Variants in EXOC2 observed in about 807,000 individuals in gnomAD.
EXOC2 encodes the protein exocyst complex component 2.
Under a neutral mutation model 131.8 loss-of-function variants are expected in EXOC2, and 70 were observed. The ratio of observed to expected loss-of-function variants is 0.53; its 90% CI spans 0.44 to 0.65. EXOC2 has a LOEUF of 0.65. Among genes scored for constraint, EXOC2 ranks in the 30% least tolerant of loss-of-function variants. The pLI is 0.00. For missense variants in EXOC2, 923 were observed against 1,108.6 expected, an observed-to-expected ratio of 0.83 and a Z score of 2.38; for synonymous variants, 411 against 398.4, an observed-to-expected ratio of 1.03 and a Z score of -0.38.
At chr6:597,643 C>G (rs1236452091) in intron 10 of EXOC2, among the ~76,000 whole-genome samples, 1 of 152,122 alleles carries the variant, frequency 6.6e-6, no homozygotes, top group Non-Finnish European at 1.5e-5. Flanking sequence ...AATGCATTTC[C>G]CACCCAGTGT....
intron 1 of EXOC2, among the ~76,000 whole-genome samples, chr6:655,700 T>A (rs1763041127): frequency 6.6e-6 from 1 of 152,234 alleles, no homozygotes; most frequent in Non-Finnish European, 1.5e-5. Flanking sequence ...TTTAGCTCTC[T>A]ACATAAGAAA....
At chr6:676,883 G>C (rs1345480830) in intron 1 of EXOC2, among the ~76,000 whole-genome samples, 17 of 116,790 alleles carry the variant, frequency 1.5e-4, no homozygotes, top group African/African-American at 3.5e-4. Flanking sequence ...GAAAGGACAG[G>C]TTCCTCTGGA....
rs1285458613 is a variant in EXOC2 at position 619,523 on chromosome 6, T to A, written c.443A>T (p.Asp148Val). 6.2e-7 allele frequency: 1 copy of A among 1,613,738 alleles called. No individual in the cohort carries two copies. The highest frequency in any genetic ancestry group is 2.2e-5 in the East Asian group (1 of 44,884). Residue 148 changes from aspartate to valine, a missense_variant, in exon 5 of 28, where the codon GAC (aspartate) becomes GTC (valine). By Grantham distance (152) the Asp-to-Val change is radical. Coordinates refer to ENST00000230449, the MANE Select transcript of EXOC2 (RefSeq NM_018303.6). ...CATTCCATGGAATAGCATTTCTAAG[T>A]CCTTCTGCGAAAATTTACTTCTGAG... is the stretch of plus-strand genomic sequence containing the variant. ...EIEKSKFSQK[D>V]LEMLFHGMSA...
chr6:682,199 CTTTT>C (rs10654916), intron 1 of EXOC2, among the ~76,000 whole-genome samples: 1 of 129,626 alleles, frequency 7.7e-6, no homozygotes. Context: ...TTCCCAGTTT[CTTTT>C]TTTTTTTTTT....
intron 11 of EXOC2, among the ~76,000 whole-genome samples, chr6:578,149 C>T (rs1424363916): frequency 2.0e-5 from 3 of 152,104 alleles, no homozygotes; most frequent in Admixed American, 6.5e-5. Flanking sequence ...GTGACTGACA[C>T]TAAAAAATAT....
intron 26 of EXOC2, among the ~76,000 whole-genome samples, chr6:489,781 G>A (rs929846916): frequency 5.9e-5 from 9 of 152,292 alleles, no homozygotes; most frequent in African/African-American, 2.2e-4. Context: ...ACTTTAGGGG[G>A]TCGTTGCTTT....
intron 1 of EXOC2, among the ~76,000 whole-genome samples, chr6:671,455 G>A (rs1763867010): frequency 6.6e-6 from 1 of 152,150 alleles, no homozygotes; most frequent in East Asian, 1.9e-4. Flanking sequence ...GTAGGTGCTG[G>A]GCATGGTGCC....
intron 23 of EXOC2, among the ~76,000 whole-genome samples, chr6:527,388 A>G (rs996253604): frequency 9.9e-5 from 15 of 152,260 alleles, no homozygotes; most frequent in African/African-American, 3.4e-4. Flanking sequence ...ACATTCCAAA[A>G]GGCAGAGATC....
chr6:617,669 A>C, intron 6 of EXOC2, 42 bp downstream of exon 6: 2 of 1,593,768 alleles, frequency 1.3e-6, no homozygotes, highest in Non-Finnish European at 1.7e-6. Flanking sequence ...CCGGGTTTCC[A>C]TGGCGGAAGC....
intron 13 of EXOC2, among the ~76,000 whole-genome samples, chr6:571,027 C>A (rs1758248636): frequency 6.6e-6 from 1 of 152,132 alleles, no homozygotes; most frequent in South Asian, 2.1e-4. Flanking sequence ...GATGGTGACA[C>A]ACAGAAGCAG....
At chr6:683,150 C>T (rs1021879284) in intron 1 of EXOC2, among the ~76,000 whole-genome samples, 4 of 152,134 alleles carry the variant, frequency 2.6e-5, no homozygotes, top group South Asian at 2.1e-4. Flanking sequence ...ACTGACCTTG[C>T]GGGAAGATGT....
chr6:636,887 T>C (rs971044054), intron 2 of EXOC2, among the ~76,000 whole-genome samples: 3 of 152,180 alleles, frequency 2.0e-5, no homozygotes, highest in Admixed American at 1.3e-4. Flanking sequence ...TTTTTAAAAA[T>C]AATGTTTAGG....
rs188151071 is a variant in EXOC2, at chr6:563,432, A to T, written c.1790-587T>A. On this transcript the variant is annotated intron_variant, in intron 16 of 27. Coordinates refer to ENST00000230449, the MANE Select transcript of EXOC2 (RefSeq NM_018303.6). Reference sequence around the variant, plus strand: ...CGCCCACCAATTTTGCAGAGATGTAAGCTTCCTACCTAAAAAGCCAAGCCT... The same window carrying T: ...CGCCCACCAATTTTGCAGAGATGTATGCTTCCTACCTAAAAAGCCAAGCCT... Among the ~76,000 whole-genome samples, 280 of 152,314 alleles carry T rather than the reference A, an allele frequency of 1.8e-3. 2 individuals carry two copies. The highest frequency in any genetic ancestry group is 5.6e-3 in the African/African-American group (231 of 41,564).
intron 4 of EXOC2, among the ~76,000 whole-genome samples, chr6:621,618 G>T (rs1366590674): frequency 6.6e-6 from 1 of 152,136 alleles, no homozygotes; most frequent in African/African-American, 2.4e-5. Context: ...AAAGAAGACA[G>T]ATGAGATTTT....
intron 6 of EXOC2, 78 bp from the exon 7 acceptor site, chr6:610,256 C>T (rs887504721): frequency 8.0e-7 from 1 of 1,249,534 alleles, no homozygotes; most frequent in Admixed American, 1.9e-5. Flanking sequence ...TATTTTTAAA[C>T]AGCTTTTTAA....
intron 13 of EXOC2, among the ~76,000 whole-genome samples, chr6:565,991 A>C (rs988840605): frequency 6.6e-6 from 1 of 152,244 alleles, no homozygotes; most frequent in African/African-American, 2.4e-5. Flanking sequence ...CAGCACATAC[A>C]CAGACCAACA....
Position 688,282 on chromosome 6 carries a change from T to C in EXOC2, c.-44+4737A>G, listed in dbSNP as rs72835994. Among the ~76,000 whole-genome samples, 205 of 152,340 alleles carry C rather than the reference T, an allele frequency of 1.3e-3. 1 individual carries two copies. Among genetic ancestry groups the C allele is most frequent in the African/African-American group, 3.6e-3 (150 of 41,576 alleles). On this transcript the variant is annotated intron_variant, in intron 1 of 27. Coordinates refer to ENST00000230449, the MANE Select transcript of EXOC2 (RefSeq NM_018303.6). ...AGGAAAATTCTGGAAGATTCCTTGA[T>C]GGCCCAGCTGAGCTGGTGACCATGG...
intron 1 of EXOC2, among the ~76,000 whole-genome samples, chr6:673,272 A>ATTC (rs1763958990): frequency 6.8e-6 from 1 of 146,796 alleles, no homozygotes; most frequent in African/African-American, 2.5e-5. Flanking sequence ...AAAAAAAAAA[A>ATTC]AAAAAAAAAA....
Position 592,540 on chromosome 6 carries a change from A to G in EXOC2, c.1121T>C (p.Ile374Thr), listed in dbSNP as rs756801890. ...AAGGATCCACTTGTGTTGGGCTCCA[A>G]TGCATTGCCAAGCAGGGTCACCAGA... ...HASGDPAWQC[I>T]GAQHKWILQL... Residue 374 changes from isoleucine to threonine, a missense_variant, in exon 11 of 28, where the codon ATT (isoleucine) becomes ACT (threonine). Physicochemically the swap from Ile to Thr is moderately conservative, Grantham distance 89. Coordinates refer to ENST00000230449, the MANE Select transcript of EXOC2 (RefSeq NM_018303.6). 50 of 1,613,936 alleles carry G rather than the reference A, an allele frequency of 3.1e-5. No individual in the cohort carries two copies. The African/African-American group carries it at 3.6e-4, about 12-fold the overall frequency.
Sources: gnomAD v4.1 joint callset for allele counts (sites outside exome capture counted in the v4.1 genomes callset) on GRCh38, gnomAD v4.1.1 for gene constraint, MANE v1.5 for transcripts, NCBI Gene and HGNC (gene_info 2026-07-23, HGNC 2026-07-21) for gene names.